Variants in IGSF21 observed in about 807,000 individuals in gnomAD.
The protein encoded by IGSF21 is immunoglobulin superfamily member 21.
IGSF21 carries 28 observed loss-of-function variants against 46.8 expected under a neutral mutation model. The observed-to-expected ratio is 0.60, with a 90% CI of 0.44 to 0.82. IGSF21 has a LOEUF of 0.82. Ranked by LOEUF, IGSF21 falls within the 40% of genes least tolerant of loss-of-function variation. The pLI is 0.00. For synonymous variants in IGSF21, 284 were observed against 273.6 expected (o/e 1.04, Z -0.38); for missense variants, 624 against 665.5 (o/e 0.94, Z 0.69).
At chr1:18,311,074 C>T (rs72655178) in intron 3 of IGSF21, among the ~76,000 whole-genome samples, 13,733 of 152,252 alleles carry the variant, frequency 0.09, 736 homozygotes, top group Non-Finnish European at 0.12. Flanking sequence ...TAGGATTCAA[C>T]AGATCTTTTG....
chr1:18,345,624 T>G (rs1304579223), intron 4 of IGSF21, among the ~76,000 whole-genome samples: 1 of 152,170 alleles, frequency 6.6e-6, no homozygotes, highest in Non-Finnish European at 1.5e-5. Context: ...CCTCAGATGA[T>G]CCAACTACTT....
chr1:18,150,796 C>T (rs907307290), intron 1 of IGSF21, among the ~76,000 whole-genome samples: 6 of 152,200 alleles, frequency 3.9e-5, no homozygotes, highest in Admixed American at 2.6e-4. Flanking sequence ...GGGGCAGTTG[C>T]CCCCCTCACC....
At chr1:18,359,383 A>AAAGAAAGAATGGAAGG (rs1557659626) in intron 4 of IGSF21, among the ~76,000 whole-genome samples, 27 of 61,106 alleles carry the variant, frequency 4.4e-4, no homozygotes, top group African/African-American at 1.6e-3. Context: ...AGAAAGAAAG[A>AAAGAAAGAATGGAAGG]AAGGAAGGAA....
rs540132718 is a variant in IGSF21 at position 18,370,076 on chromosome 1, C to T, written c.1015+4379C>T. ...AGAATATATCCCAAATCTGCCACTC[C>T]TCACGGTCTCCTCTCCAAATACCCA... is the stretch of plus-strand genomic sequence containing the variant. On this transcript the variant is annotated intron_variant, in intron 6 of 9. Coordinates refer to ENST00000251296, the MANE Select transcript of IGSF21 (RefSeq NM_032880.5). Among the ~76,000 whole-genome samples, 5 of 152,284 alleles carry T rather than the reference C, an allele frequency of 3.3e-5. No individual in the cohort carries two copies. The South Asian group carries it at 1.0e-3, about 32-fold the overall frequency.
chr1:18,202,728 G>A (rs941958201), intron 1 of IGSF21, among the ~76,000 whole-genome samples: 1 of 152,190 alleles, frequency 6.6e-6, no homozygotes. Flanking sequence ...CTTGATACGT[G>A]GGGATTACAG....
intron 1 of IGSF21, among the ~76,000 whole-genome samples, chr1:18,226,983 G>T (rs1409202282): frequency 6.6e-6 from 1 of 152,224 alleles, no homozygotes; most frequent in Non-Finnish European, 1.5e-5. Context: ...ACTAGACTTT[G>T]GTGTGGAGAG....
intron 1 of IGSF21, among the ~76,000 whole-genome samples, chr1:18,154,795 C>T (rs950595856): frequency 1.3e-5 from 2 of 152,056 alleles, no homozygotes; most frequent in African/African-American, 2.4e-5. Flanking sequence ...CCCTCTTTCC[C>T]TCCCTTCCTT....
intron 2 of IGSF21, among the ~76,000 whole-genome samples, chr1:18,251,743 G>A (rs1020793890): frequency 2.6e-5 from 4 of 152,074 alleles, no homozygotes; most frequent in South Asian, 2.1e-4. Context: ...GTATATGGAG[G>A]CTCTCCCAAT....
chr1:18,353,131 GC>G (rs990141209), intron 4 of IGSF21, among the ~76,000 whole-genome samples: 1 of 151,912 alleles, frequency 6.6e-6, no homozygotes, highest in Non-Finnish European at 1.5e-5. Context: ...CCATTTGGGG[GC>G]TTTTTGTTGT....
chr1:18,306,185 T>C (rs902893318), intron 3 of IGSF21, among the ~76,000 whole-genome samples: 18 of 152,186 alleles, frequency 1.2e-4, no homozygotes, highest in African/African-American at 4.1e-4. Context: ...CCCATCCACC[T>C]GGCCAGCCTC....
intron 2 of IGSF21, among the ~76,000 whole-genome samples, chr1:18,258,782 A>G (rs1259328494): frequency 6.6e-6 from 1 of 152,232 alleles, no homozygotes; most frequent in African/African-American, 2.4e-5. Flanking sequence ...GTGAGAATGG[A>G]ATGCACAGCA....
chr1:18,295,949 G>A (rs1057163820), intron 3 of IGSF21, among the ~76,000 whole-genome samples: 1 of 152,164 alleles, frequency 6.6e-6, no homozygotes, highest in Non-Finnish European at 1.5e-5. Flanking sequence ...TCAGCCCAGG[G>A]CCTGGCACAC....
At chr1:18,318,198 C>A (rs1447321928) in intron 3 of IGSF21, among the ~76,000 whole-genome samples, 1 of 152,208 alleles carries the variant, frequency 6.6e-6, no homozygotes, top group African/African-American at 2.4e-5. Flanking sequence ...TTAAATGATG[C>A]AGCTGTGGGA....
At chr1:18,170,941 G>A (rs60017517) in intron 1 of IGSF21, among the ~76,000 whole-genome samples, 12,652 of 152,192 alleles carry the variant, frequency 0.083, 585 homozygotes, top group African/African-American at 0.12. Flanking sequence ...AGGTTATGGT[G>A]GATGCAGGGA....
At chr1:18,246,950 C>T (rs1435386652) in intron 2 of IGSF21, among the ~76,000 whole-genome samples, 1 of 152,084 alleles carries the variant, frequency 6.6e-6, no homozygotes, top group African/African-American at 2.4e-5. Flanking sequence ...CTCCATGCAC[C>T]ACCGGAAGGA....
intron 1 of IGSF21, among the ~76,000 whole-genome samples, chr1:18,186,051 T>C (rs990681208): frequency 2.6e-5 from 4 of 152,122 alleles, no homozygotes; most frequent in Non-Finnish European, 5.9e-5. Context: ...GCAACATAAG[T>C]GTGAGTGGCA....
chr1:18,124,863 T>C (rs544366315), intron 1 of IGSF21, among the ~76,000 whole-genome samples: 1 of 152,358 alleles, frequency 6.6e-6, no homozygotes, highest in South Asian at 2.1e-4. Flanking sequence ...GCGATAGTTA[T>C]ATTTAGTGCG....
chr1:18,334,849 C>A lies in IGSF21; in HGVS notation c.306-43C>A, dbSNP rs765889483. On this transcript the variant is annotated intron_variant, in intron 3 of 9. Coordinates refer to ENST00000251296, the MANE Select transcript of IGSF21 (RefSeq NM_032880.5). This position sits in a 1 kb window ranked among gnomAD's most constrained non-coding sequence, Gnocchi z 4.3. Reference sequence around the variant, plus strand: ...TTTCCTTGAACGCTGCCTCACCCAGCCCCACGATGAAGGGCCCTCACCCTG... The same window carrying A: ...TTTCCTTGAACGCTGCCTCACCCAGACCCACGATGAAGGGCCCTCACCCTG... 6 of 1,448,396 alleles carry A rather than the reference C, an allele frequency of 4.1e-6. No individual in the cohort carries two copies. Among genetic ancestry groups the A allele is most frequent in the Middle Eastern group, 1.8e-4 (1 of 5,686 alleles). 89.7% of individuals were successfully genotyped at this position (1,448,396 alleles called of 1,614,324 possible).
At chr1:18,371,870 GCTTATTGT>G (rs1448393972) in intron 6 of IGSF21, among the ~76,000 whole-genome samples, 1 of 152,116 alleles carries the variant, frequency 6.6e-6, no homozygotes, top group Non-Finnish European at 1.5e-5. Flanking sequence ...TTCTATATTT[GCTTATTGT>G]CTGAATCGCC....
Sources: allele counts gnomAD v4.1 joint callset (sites outside exome capture counted in the v4.1 genomes callset), GRCh38; gene constraint gnomAD v4.1.1; non-coding constraint Gnocchi (gnomAD v3.1); transcripts MANE v1.5; gene names NCBI Gene and HGNC (gene_info 2026-07-23, HGNC 2026-07-21).